CNTN5: variants seen among roughly 807,000 people sequenced by gnomAD.
CNTN5 encodes contactin 5, also known as contactin-5.
CNTN5 carries 77 observed loss-of-function variants against 129.1 expected under a neutral mutation model. That is an observed-to-expected ratio of 0.60 (90% CI 0.50 to 0.72). The LOEUF is 0.72. Among genes scored for constraint, CNTN5 ranks in the 30% least tolerant of loss-of-function variants. The pLI is 0.00. For missense variants in CNTN5, 1,478 were observed against 1,328.8 expected, an observed-to-expected ratio of 1.11 and a Z score of -1.75; for synonymous variants, 509 against 465.6, an observed-to-expected ratio of 1.09 and a Z score of -1.20.
At chr11:99,361,359 T>C (rs1158038219) in intron 2 of CNTN5, among the ~76,000 whole-genome samples, 1 of 152,184 alleles carries the variant, frequency 6.6e-6, no homozygotes, top group East Asian at 1.9e-4. Context: ...AAAGAGCTTT[T>C]GTGTCCATTA....
chr11:99,831,913 C>T (rs746730191), intron 4 of CNTN5, among the ~76,000 whole-genome samples: 6 of 152,106 alleles, frequency 3.9e-5, no homozygotes, highest in Admixed American at 1.3e-4. Flanking sequence ...AGCAACTTCT[C>T]GTGTAGTCAG....
intron 1 of CNTN5, among the ~76,000 whole-genome samples, chr11:99,271,241 T>A (rs948162161): frequency 6.6e-6 from 1 of 151,980 alleles, no homozygotes; most frequent in Middle Eastern, 3.4e-3. Flanking sequence ...TGTGTAACAT[T>A]AATGGAAAAT....
rs778708984 is a variant in CNTN5, at chr11:99,916,135, C to A, written c.659C>A (p.Pro220Gln). The change falls in exon 7 of 25, where the codon CCG (proline) becomes CAG (glutamine). Residue 220 changes from proline to glutamine, a missense_variant. By Grantham distance (76) the Pro-to-Gln change is moderately conservative. Transcript: ENST00000524871. ...GGTGTCGTTCTGATGTGCTCTCCTCCGCCACATTCACCAGGTACAGTAGGA... is the reference window on the plus strand; with the variant it reads ...GGTGTCGTTCTGATGTGCTCTCCTCAGCCACATTCACCAGGTACAGTAGGA... The part of the protein sequence containing the change: ...GQGVVLMCSP[P>Q]PHSPEIIYSW... The A allele has an allele frequency of 3.7e-6, 6 of 1,611,054 alleles. No homozygotes were observed. In the Admixed American group the frequency reaches 5.0e-5, roughly 14 times the overall value.
intron 1 of CNTN5, among the ~76,000 whole-genome samples, chr11:99,187,379 T>C (rs1165213966): frequency 6.6e-6 from 1 of 151,750 alleles, no homozygotes; most frequent in Admixed American, 6.6e-5. Flanking sequence ...CGGATACATG[T>C]TATTTTAATA....
At chr11:99,056,122 C>G (rs1274334202) in intron 1 of CNTN5, among the ~76,000 whole-genome samples, 1 of 151,944 alleles carries the variant, frequency 6.6e-6, no homozygotes, top group Admixed American at 6.6e-5. Flanking sequence ...TCAATATTCT[C>G]TTTTCTTATT....
chr11:99,790,760 A>G (rs1156899421), intron 3 of CNTN5, among the ~76,000 whole-genome samples: 1 of 152,120 alleles, frequency 6.6e-6, no homozygotes, highest in Non-Finnish European at 1.5e-5. Flanking sequence ...AAGTTTTCAC[A>G]ATGCTGAACT....
intron 8 of CNTN5, among the ~76,000 whole-genome samples, chr11:99,985,951 C>A (rs978458159): frequency 6.6e-6 from 1 of 152,144 alleles, no homozygotes; most frequent in Non-Finnish European, 1.5e-5. Flanking sequence ...GTGGTAATAG[C>A]CTGAATCTTG....
intron 6 of CNTN5, among the ~76,000 whole-genome samples, chr11:99,859,738 C>T (rs1207861201): frequency 3.9e-5 from 6 of 152,038 alleles, no homozygotes; most frequent in Non-Finnish European, 7.4e-5. Flanking sequence ...ATTTCTTTAT[C>T]CACTCCACTG....
chr11:99,178,361 CACACA>C (rs1330622863), intron 1 of CNTN5, among the ~76,000 whole-genome samples: 1 of 121,184 alleles, frequency 8.3e-6, no homozygotes, highest in East Asian at 2.2e-4. Context: ...CACACACACA[CACACA>C]CAAAATTAGC....
At chr11:100,100,986 A>G (rs1403360146) in intron 13 of CNTN5, among the ~76,000 whole-genome samples, 4 of 152,158 alleles carry the variant, frequency 2.6e-5, no homozygotes, top group Non-Finnish European at 4.4e-5. Context: ...TGTCAAAAAC[A>G]CATGGGGCTT....
At chr11:99,658,214 A>G (rs1353004077) in intron 3 of CNTN5, among the ~76,000 whole-genome samples, 4 of 152,166 alleles carry the variant, frequency 2.6e-5, no homozygotes, top group Non-Finnish European at 4.4e-5. Context: ...GTAAGTGGAT[A>G]ACAGCTAGTG....
intron 23 of CNTN5, among the ~76,000 whole-genome samples, chr11:100,349,690 A>G (rs1952361738): frequency 6.6e-6 from 1 of 151,872 alleles, no homozygotes; most frequent in African/African-American, 2.4e-5. Context: ...GTACACTTAT[A>G]ATACCAATTA....
intron 2 of CNTN5, among the ~76,000 whole-genome samples, chr11:99,404,520 A>G (rs1047063107): frequency 1.3e-5 from 2 of 151,322 alleles, no homozygotes; most frequent in Non-Finnish European, 2.9e-5. Flanking sequence ...TGTATCCATT[A>G]TATATTTTTT....
intron 6 of CNTN5, among the ~76,000 whole-genome samples, chr11:99,895,008 AATAT>A (rs1313990454): frequency 5.9e-5 from 9 of 152,230 alleles, no homozygotes; most frequent in African/African-American, 1.4e-4. Context: ...ACTTCCTATA[AATAT>A]ATAAGGCAGA....
At chr11:99,402,913 T>C (rs1036445823) in intron 2 of CNTN5, among the ~76,000 whole-genome samples, 2 of 152,208 alleles carry the variant, frequency 1.3e-5, no homozygotes, top group Non-Finnish European at 2.9e-5. Context: ...TCAACTGTCA[T>C]GTCTCCTGTT....
intron 7 of CNTN5, among the ~76,000 whole-genome samples, chr11:99,942,410 T>G (rs1950459778): frequency 6.6e-6 from 1 of 152,028 alleles, no homozygotes; most frequent in East Asian, 1.9e-4. Context: ...ATATTAATAT[T>G]CTTTCTGGGA....
intron 24 of CNTN5, among the ~76,000 whole-genome samples, chr11:100,353,164 A>C (rs991091134): frequency 7.3e-5 from 11 of 151,700 alleles, no homozygotes; most frequent in African/African-American, 2.4e-4. Flanking sequence ...CTCCAAGAAA[A>C]AAATTGTCAA....
intron 18 of CNTN5, among the ~76,000 whole-genome samples, chr11:100,295,720 AG>A (rs1301574676): frequency 1.3e-5 from 2 of 151,302 alleles, no homozygotes; most frequent in African/African-American, 4.8e-5. Flanking sequence ...AAAGTAGAAA[AG>A]GATCTTCAAT....
At chr11:100,043,318 C>G (rs1191983315) in intron 9 of CNTN5, among the ~76,000 whole-genome samples, 1 of 152,094 alleles carries the variant, frequency 6.6e-6, no homozygotes, top group Non-Finnish European at 1.5e-5. Context: ...CTCAAGAACA[C>G]TATTTCATTT....
Sources: gnomAD v4.1 joint callset for allele counts (sites outside exome capture counted in the v4.1 genomes callset) on GRCh38, gnomAD v4.1.1 for gene constraint, MANE v1.5 for transcripts, NCBI Gene and HGNC (gene_info 2026-07-23, HGNC 2026-07-21) for gene names.